NLGN1: variants seen among roughly 807,000 people sequenced by gnomAD.
The protein encoded by NLGN1 is neuroligin-1.
NLGN1 carries 12 observed loss-of-function variants against 65.5 expected under a neutral mutation model. The ratio of observed to expected loss-of-function variants is 0.18; its 90% CI spans 0.12 to 0.30. The LOEUF (loss-of-function observed/expected upper bound fraction) is 0.30. Ranked by LOEUF, NLGN1 falls within the 10% of genes least tolerant of loss-of-function variation. The pLI, the probability that NLGN1 is intolerant of heterozygous loss-of-function variation, is 1.00. For synonymous variants in NLGN1, 350 were observed against 359.5 expected, an observed-to-expected ratio of 0.97 and a Z score of 0.30; for missense variants, 750 against 1,007.1, an observed-to-expected ratio of 0.74 and a Z score of 3.46.
At chr3:173,733,988 A>G (rs1773297987) in intron 3 of NLGN1, among the ~76,000 whole-genome samples, 1 of 152,120 alleles carries the variant, frequency 6.6e-6, no homozygotes, top group South Asian at 2.1e-4. Flanking sequence ...AAATGACAAA[A>G]GATATAATAT....
intron 3 of NLGN1, among the ~76,000 whole-genome samples, chr3:173,729,106 G>A (rs771498346): frequency 2.0e-5 from 3 of 151,894 alleles, no homozygotes; most frequent in Non-Finnish European, 4.4e-5. Context: ...ACTTTGAGGG[G>A]TTTTATAAAC....
At chr3:173,473,158 T>C (rs1461764894) in intron 2 of NLGN1, among the ~76,000 whole-genome samples, 2 of 152,192 alleles carry the variant, frequency 1.3e-5, no homozygotes, top group Non-Finnish European at 2.9e-5. Context: ...CCATTATTGC[T>C]TTTAAAACCT....
intron 2 of NLGN1, among the ~76,000 whole-genome samples, chr3:173,527,817 C>G (rs1735906328): frequency 6.6e-6 from 1 of 152,118 alleles, no homozygotes; most frequent in South Asian, 2.1e-4. Context: ...CTGTAGGTGT[C>G]TTTAGGCATT....
intron 4 of NLGN1, among the ~76,000 whole-genome samples, chr3:174,092,071 T>C (rs982611025): frequency 6.6e-6 from 1 of 152,030 alleles, no homozygotes; most frequent in African/African-American, 2.4e-5. Flanking sequence ...AATATAAATA[T>C]GTATGAAGAG....
chr3:173,834,534 T>C (rs1354710598), intron 4 of NLGN1, among the ~76,000 whole-genome samples: 1 of 152,174 alleles, frequency 6.6e-6, no homozygotes, highest in Non-Finnish European at 1.5e-5. Flanking sequence ...AATTTTCCCA[T>C]TTACAAGTGA....
At chr3:174,049,414 G>A (rs146651581) in intron 4 of NLGN1, among the ~76,000 whole-genome samples, 3 of 152,020 alleles carry the variant, frequency 2.0e-5, no homozygotes, top group Non-Finnish European at 4.4e-5. Context: ...AGGAGAAAAG[G>A]GTTGAGCAGG....
intron 4 of NLGN1, among the ~76,000 whole-genome samples, chr3:174,019,445 T>C (rs573412721): frequency 6.6e-6 from 1 of 152,122 alleles, no homozygotes; most frequent in Non-Finnish European, 1.5e-5. Flanking sequence ...CCTCACCAGA[T>C]GTGGCCCCTC....
chr3:173,721,886 T>C (rs1770887960), intron 3 of NLGN1, among the ~76,000 whole-genome samples: 1 of 152,006 alleles, frequency 6.6e-6, no homozygotes, highest in Admixed American at 6.6e-5. Context: ...CCAAGTATGC[T>C]TTGATGCTGA....
exon 7 of NLGN1, chr3:174,281,297 G>A: frequency 6.3e-7 from 1 of 1,598,466 alleles, no homozygotes; most frequent in Middle Eastern, 1.7e-4. Flanking sequence ...CAACAACCAG[G>A]GTATAGCCAG....
intron 2 of NLGN1, among the ~76,000 whole-genome samples, chr3:173,485,717 C>T (rs1728065565): frequency 6.6e-6 from 1 of 152,124 alleles, no homozygotes; most frequent in African/African-American, 2.4e-5. Context: ...CATTGTTTTA[C>T]AATGCATATT....
At chr3:173,741,218 C>T (rs1162778957) in intron 3 of NLGN1, among the ~76,000 whole-genome samples, 1 of 152,052 alleles carries the variant, frequency 6.6e-6, no homozygotes, top group South Asian at 2.1e-4. Context: ...TAAGTGGTAT[C>T]AATTTTATTC....
chr3:174,240,351 G>A (rs6445162), intron 4 of NLGN1, among the ~76,000 whole-genome samples: 47,938 of 151,808 alleles, frequency 0.32, 8,157 homozygotes, highest in East Asian at 0.52. Flanking sequence ...ATATAAAATT[G>A]GAATATAAGT....
At chr3:174,094,746 T>TAAAAAAA (rs5854552) in intron 4 of NLGN1, among the ~76,000 whole-genome samples, 2 of 88,902 alleles carry the variant, frequency 2.2e-5, no homozygotes, top group African/African-American at 8.8e-5. Flanking sequence ...TTGGCTCCGC[T>TAAAAAAA]AAAAAAAAAA....
At chr3:173,890,092 A>G (rs1735054808) in intron 4 of NLGN1, among the ~76,000 whole-genome samples, 1 of 152,062 alleles carries the variant, frequency 6.6e-6, no homozygotes. Flanking sequence ...CTGTTATCCC[A>G]TTTAGCTGTT....
intron 2 of NLGN1, among the ~76,000 whole-genome samples, chr3:173,531,248 A>G (rs1190857776): frequency 6.6e-6 from 1 of 152,144 alleles, no homozygotes; most frequent in Non-Finnish European, 1.5e-5. Context: ...GAAAATATAT[A>G]GAGGAATAGC....
Position 173,698,282 on chromosome 3 carries a change from G to A in NLGN1, c.493+93191G>A, listed in dbSNP as rs536813128. 4.6e-5 allele frequency among the ~76,000 whole-genome samples: 7 copies of A among 152,180 alleles called. No homozygotes were observed. The East Asian group carries it at 1.4e-3, about 29-fold the overall frequency. On this transcript the variant is annotated intron_variant, in intron 3 of 6. Transcript: ENST00000457714. ...AAGAATTAGAAATCCAGGAAAGAAG[G>A]GCATCACGTTGCAATACTGAATTAT...
chr3:174,247,585 C>A (rs1744034626), intron 4 of NLGN1, among the ~76,000 whole-genome samples: 1 of 152,196 alleles, frequency 6.6e-6, no homozygotes, highest in East Asian at 1.9e-4. Flanking sequence ...CTGTCCAATC[C>A]TTTAACTTTA....
chr3:174,206,742 T>A (rs376378619), intron 4 of NLGN1, among the ~76,000 whole-genome samples: 2 of 152,164 alleles, frequency 1.3e-5, no homozygotes, highest in South Asian at 2.1e-4. Context: ...CTGTGTGGAA[T>A]GGGGAAAAGA....
intron 4 of NLGN1, among the ~76,000 whole-genome samples, chr3:174,095,019 T>C (rs1209584964): frequency 6.6e-6 from 1 of 152,100 alleles, no homozygotes; most frequent in African/African-American, 2.4e-5. Context: ...TCAAATGTTT[T>C]GGGCACCTTT....
Sources: allele counts gnomAD v4.1 joint callset (sites outside exome capture counted in the v4.1 genomes callset), GRCh38; gene constraint gnomAD v4.1.1; transcripts MANE v1.5; gene names NCBI Gene and HGNC (gene_info 2026-07-23, HGNC 2026-07-21).